Variants in CDH4 observed in about 807,000 individuals in gnomAD.
The protein encoded by CDH4 is cadherin 4.
Under a neutral mutation model 86.0 loss-of-function variants are expected in CDH4, and 33 were observed. The observed-to-expected ratio is 0.38, with a 90% CI of 0.29 to 0.51. The LOEUF (loss-of-function observed/expected upper bound fraction) is 0.51, where lower values mean the gene tolerates loss of function less well. Among genes scored for constraint, CDH4 ranks in the 20% least tolerant of loss-of-function variants. The pLI is 0.86. For missense variants in CDH4, 1,114 were observed against 1,307.4 expected (o/e 0.85, Z 2.28); for synonymous variants, 555 against 549.4 (o/e 1.01, Z -0.14).
chr20:61,790,563 CATCT>C (rs368800068), intron 4 of CDH4, among the ~76,000 whole-genome samples: 41 of 151,052 alleles, frequency 2.7e-4, no homozygotes, highest in East Asian at 7.8e-4. Flanking sequence ...ACCCACCATC[CATCT>C]ATTTATCTGT....
At chr20:61,580,501 A>G (rs944025198) in intron 2 of CDH4, among the ~76,000 whole-genome samples, 2 of 152,052 alleles carry the variant, frequency 1.3e-5, no homozygotes, top group Non-Finnish European at 2.9e-5. Flanking sequence ...AAAAAATTGC[A>G]TGTGTTTTTT....
chr20:61,725,507 C>T (rs148630911), intron 2 of CDH4, among the ~76,000 whole-genome samples: 5 of 152,204 alleles, frequency 3.3e-5, no homozygotes, highest in Non-Finnish European at 5.9e-5. Context: ...AGCTCTCTTT[C>T]TCTCAGATGT....
At chr20:61,415,291 T>C (rs2085140543) in intron 2 of CDH4, among the ~76,000 whole-genome samples, 1 of 152,030 alleles carries the variant, frequency 6.6e-6, no homozygotes, top group Non-Finnish European at 1.5e-5. Flanking sequence ...GGTAGAGCCA[T>C]GGAGGGATTT....
In CDH4 at chr20:61,918,701, G is replaced by A. The variant is rs577913954; in HGVS notation, c.1375-4750G>A. The stretch of plus-strand genomic sequence containing the variant: ...GGTGTCGCGGTGATTGCGTGGAAGC[G>A]TGGTATTGCAGTGACTGCGTGTCAC... On this transcript the variant is annotated intron_variant, in intron 9 of 15. Transcript: ENST00000614565. Among the ~76,000 whole-genome samples the A allele has an allele frequency of 4.9e-4, 74 of 152,228 alleles. 1 individual carries two copies. The highest frequency in any genetic ancestry group is 1.5e-3 in the African/African-American group (61 of 41,536).
rs546826957 is a variant in CDH4 at position 61,501,786 on chromosome 20, G to A, written c.170-241777G>A. Among the ~76,000 whole-genome samples the A allele has an allele frequency of 2.0e-4, 30 of 152,240 alleles. No individual in the cohort carries two copies. The highest frequency in any genetic ancestry group is 6.7e-4 in the African/African-American group (28 of 41,548). On this transcript the variant is annotated intron_variant, in intron 2 of 15. Coordinates refer to ENST00000614565, the MANE Select transcript of CDH4 (RefSeq NM_001794.5). This position sits in a 1 kb window ranked among gnomAD's most constrained non-coding sequence, Gnocchi z 4.2. ...CTCATTATGGGACGGACCACCAGAC[G>A]CGACTAATGAAACTTTTCTGTTCTC...
intron 3 of CDH4, among the ~76,000 whole-genome samples, chr20:61,771,931 G>A (rs1402557504): frequency 6.6e-6 from 1 of 152,102 alleles, no homozygotes; most frequent in Non-Finnish European, 1.5e-5. Flanking sequence ...GGAGTTACTG[G>A]ATCAAAAGGG....
intron 2 of CDH4, among the ~76,000 whole-genome samples, chr20:61,689,256 A>T (rs866716406): frequency 0.033 from 2,619 of 80,162 alleles, 84 homozygotes; most frequent in East Asian, 0.13. Context: ...GTGATGTGGA[A>T]TTGGGCTGGG....
intron 2 of CDH4, among the ~76,000 whole-genome samples, chr20:61,541,125 CT>C (rs940644547): frequency 6.6e-6 from 1 of 152,182 alleles, no homozygotes; most frequent in African/African-American, 2.4e-5. Flanking sequence ...TCTTCTGCCC[CT>C]CTCCAGAAAA....
At chr20:61,795,062 G>T (rs376037701) in intron 4 of CDH4, among the ~76,000 whole-genome samples, 1 of 149,976 alleles carries the variant, frequency 6.7e-6, no homozygotes, top group Non-Finnish European at 1.5e-5. Context: ...GGATGATGAT[G>T]GTTATAATGG....
At position 61,623,307 on chromosome 20, in the gene CDH4, G is replaced by A. The variant is rs1031846909; in HGVS notation, c.170-120256G>A. ...CGTCTGTCATCAGCAGACAGCTGCT[G>A]GTTTCCGTGGCTGCCTTCCTAGGGG... On this transcript the variant is annotated intron_variant, in intron 2 of 15. Transcript: ENST00000614565. This position sits in a 1 kb window ranked among gnomAD's most constrained non-coding sequence, Gnocchi z 4.4. 6.6e-6 allele frequency among the ~76,000 whole-genome samples: 1 copy of A among 152,122 alleles called. No homozygotes were observed. Among genetic ancestry groups the A allele is most frequent in the Non-Finnish European group, 1.5e-5 (1 of 68,016 alleles).
chr20:61,587,613 G>C (rs529709200), intron 2 of CDH4, among the ~76,000 whole-genome samples: 85 of 152,162 alleles, frequency 5.6e-4, no homozygotes, highest in Non-Finnish European at 1.1e-3. Context: ...TCCTTCCCCA[G>C]CTGACCCCAT....
At chr20:61,406,874 G>A (rs1376785512) in intron 2 of CDH4, among the ~76,000 whole-genome samples, 1 of 137,996 alleles carries the variant, frequency 7.2e-6, no homozygotes, top group Non-Finnish European at 1.5e-5. Context: ...GCTCTGCCCG[G>A]ACCACCATCT....
chr20:61,776,436 C>A (rs1415271232), intron 4 of CDH4, among the ~76,000 whole-genome samples: 1 of 152,208 alleles, frequency 6.6e-6, no homozygotes, highest in Non-Finnish European at 1.5e-5. Context: ...CAGGAAACCA[C>A]CCCCAGCATC....
At position 61,544,354 on chromosome 20, in the gene CDH4, C is replaced by T. The variant is rs79023527; in HGVS notation, c.170-199209C>T. Among the ~76,000 whole-genome samples the T allele has an allele frequency of 0.02, 3,099 of 151,986 alleles. 63 individuals carry two copies. Among genetic ancestry groups the T allele is most frequent in the Non-Finnish European group, 0.03 (2,038 of 67,954 alleles). ...GAAGCATCCAGCTCCATGTATCACT[C>T]GTGTCCAGGCCGAGAAACCCGACGT... On this transcript the variant is annotated intron_variant, in intron 2 of 15. Coordinates refer to ENST00000614565, the MANE Select transcript of CDH4 (RefSeq NM_001794.5). This position sits in a 1 kb window ranked among gnomAD's most constrained non-coding sequence, Gnocchi z 6.5.
intron 8 of CDH4, among the ~76,000 whole-genome samples, chr20:61,901,630 A>C (rs2054727928): frequency 6.6e-6 from 1 of 152,220 alleles, no homozygotes; most frequent in African/African-American, 2.4e-5. Flanking sequence ...CCCTCCAATT[A>C]GATGCCCTCG....
chr20:61,575,922 A>G (rs561347249), intron 2 of CDH4, among the ~76,000 whole-genome samples: 3 of 152,160 alleles, frequency 2.0e-5, no homozygotes, highest in Non-Finnish European at 4.4e-5. Context: ...GGCTGATGAC[A>G]TGGGATGGGG....
chr20:61,705,017 C>T (rs1007704879), intron 2 of CDH4, among the ~76,000 whole-genome samples: 13 of 152,174 alleles, frequency 8.5e-5, no homozygotes, highest in East Asian at 1.9e-4. Context: ...CCCAGGAACG[C>T]GTTGGGGCTC....
chr20:61,817,824 A>G (rs1220956572), intron 4 of CDH4, among the ~76,000 whole-genome samples: 2 of 152,150 alleles, frequency 1.3e-5, no homozygotes, highest in Non-Finnish European at 2.9e-5. Context: ...GTGGAGGCCA[A>G]CGCACTGCGA....
intron 2 of CDH4, among the ~76,000 whole-genome samples, chr20:61,550,235 T>C (rs1352465638): frequency 4.6e-4 from 66 of 143,126 alleles, no homozygotes; most frequent in Admixed American, 6.9e-4. Flanking sequence ...CTGCCCCAAC[T>C]TCTCTGGCTT....
Sources: gnomAD v4.1 joint callset for allele counts (sites outside exome capture counted in the v4.1 genomes callset) on GRCh38, gnomAD v4.1.1 for gene constraint, Gnocchi (gnomAD v3.1) non-coding constraint, MANE v1.5 for transcripts, NCBI Gene and HGNC (gene_info 2026-07-23, HGNC 2026-07-21) for gene names.